RBFOX1: variants seen among roughly 807,000 people sequenced by gnomAD.
RBFOX1 encodes RNA binding protein fox-1 homolog 1.
RBFOX1 carries 8 observed loss-of-function variants against 57.7 expected under a neutral mutation model. The ratio of observed to expected loss-of-function variants is 0.14; its 90% CI spans 0.08 to 0.25. RBFOX1 has a LOEUF of 0.25. Ranked by LOEUF, RBFOX1 falls within the 10% of genes least tolerant of loss-of-function variation. The pLI, the probability that RBFOX1 is intolerant of heterozygous loss-of-function variation, is 1.00. For missense variants in RBFOX1, 611 were observed against 548.5 expected, an observed-to-expected ratio of 1.11 and a Z score of -1.14; for synonymous variants, 326 against 222.4, an observed-to-expected ratio of 1.47 and a Z score of -4.15.
At chr16:5,899,299 CA>C (rs2058249492) in intron 4 of RBFOX1, among the ~76,000 whole-genome samples, 3 of 151,828 alleles carry the variant, frequency 2.0e-5, no homozygotes. Flanking sequence ...TACAAACAGA[CA>C]CAAACATGAT....
At chr16:7,250,000 G>A (rs2094448939) in intron 4 of RBFOX1, among the ~76,000 whole-genome samples, 1 of 152,058 alleles carries the variant, frequency 6.6e-6, no homozygotes. Context: ...CTTTCCAATT[G>A]CCATTTTTAT....
At chr16:5,955,075 G>A (rs1023592739) in intron 4 of RBFOX1, among the ~76,000 whole-genome samples, 1 of 126,082 alleles carries the variant, frequency 7.9e-6, no homozygotes, top group Non-Finnish European at 1.6e-5. Flanking sequence ...GAGGTCAGGA[G>A]TTCAAGACCA....
intron 2 of RBFOX1, among the ~76,000 whole-genome samples, chr16:6,482,619 C>T (rs1231472930): frequency 6.6e-6 from 1 of 152,184 alleles, no homozygotes; most frequent in Non-Finnish European, 1.5e-5. Context: ...CAGGCTGAAA[C>T]CTCAGCGCAT....
At chr16:5,280,732 A>G (rs1346359198) in intron 1 of RBFOX1, among the ~76,000 whole-genome samples, 2 of 151,978 alleles carry the variant, frequency 1.3e-5, no homozygotes, top group Non-Finnish European at 2.9e-5. Flanking sequence ...GGTTGTTCAT[A>G]ATAGCCTCTA....
chr16:6,636,972 A>C (rs1179831101), intron 2 of RBFOX1, among the ~76,000 whole-genome samples: 3 of 127,210 alleles, frequency 2.4e-5, no homozygotes, highest in African/African-American at 9.3e-5. Flanking sequence ...TATTATGTAT[A>C]TTTATGTATA....
At chr16:6,731,606 C>G (rs1420487537) in intron 3 of RBFOX1, among the ~76,000 whole-genome samples, 1 of 152,128 alleles carries the variant, frequency 6.6e-6, no homozygotes, top group East Asian at 1.9e-4. Flanking sequence ...TAGCCCTTAA[C>G]TAATGGCTCT....
chr16:6,243,536 C>T (rs547683675), intron 1 of RBFOX1, among the ~76,000 whole-genome samples: 69 of 152,298 alleles, frequency 4.5e-4, no homozygotes, highest in South Asian at 3.7e-3. Flanking sequence ...TCCTGCCCAA[C>T]AGTCAGTCCT....
At chr16:5,253,460 G>C (rs1881328) in intron 1 of RBFOX1, among the ~76,000 whole-genome samples, 126,206 of 152,030 alleles carry the variant, frequency 0.83, 52,800 homozygotes, top group East Asian at 1. Context: ...CTGGAATTCT[G>C]TGTCATTCTG....
At chr16:7,526,795 C>T (rs913901174) in intron 5 of RBFOX1, among the ~76,000 whole-genome samples, 7 of 152,162 alleles carry the variant, frequency 4.6e-5, no homozygotes, top group African/African-American at 1.7e-4. Context: ...TGTTATCGTC[C>T]CATGTTACAG....
intron 3 of RBFOX1, among the ~76,000 whole-genome samples, chr16:5,855,762 T>G (rs542273379): frequency 6.6e-6 from 1 of 152,182 alleles, no homozygotes; most frequent in African/African-American, 2.4e-5. Flanking sequence ...TCTTTGGAAT[T>G]TCCTTGGAAT....
intron 2 of RBFOX1, among the ~76,000 whole-genome samples, chr16:5,499,431 C>T (rs758660245): frequency 6.6e-6 from 1 of 152,202 alleles, no homozygotes; most frequent in African/African-American, 2.4e-5. Flanking sequence ...CCAGTGTAAA[C>T]ATCAACTCTT....
chr16:5,848,687 C>T (rs531433658), intron 3 of RBFOX1, among the ~76,000 whole-genome samples: 1 of 152,222 alleles, frequency 6.6e-6, no homozygotes, highest in South Asian at 2.1e-4. Context: ...GGTGTCATGC[C>T]TGTAAACCCA....
At chr16:7,636,769 G>A (rs2061826932) in intron 11 of RBFOX1, among the ~76,000 whole-genome samples, 1 of 152,182 alleles carries the variant, frequency 6.6e-6, no homozygotes, top group Admixed American at 6.5e-5. Context: ...AGGTTCCGGT[G>A]AGGGCTTTCT....
chr16:5,268,679 G>C (rs941066322), intron 1 of RBFOX1, among the ~76,000 whole-genome samples: 5 of 152,214 alleles, frequency 3.3e-5, no homozygotes, highest in Admixed American at 2.0e-4. Context: ...CACCATTTCT[G>C]CCTCTCTCCG....
At chr16:6,647,711 C>T (rs991821464) in intron 2 of RBFOX1, among the ~76,000 whole-genome samples, 13 of 152,024 alleles carry the variant, frequency 8.6e-5, no homozygotes, top group Non-Finnish European at 1.8e-4. Context: ...GATTCTGATT[C>T]GATGTATCTG....
Position 5,255,266 on chromosome 16 carries a change from C to T in RBFOX1, c.219+15161C>T, listed in dbSNP as rs532509549. Among the ~76,000 whole-genome samples the T allele has an allele frequency of 7.2e-5, 11 of 151,884 alleles. No homozygotes were observed. The East Asian group carries it at 1.6e-3, about 22-fold the overall frequency. ...AAATCACTCAATTCTTTGGAGGACCCCGGATAAATGCTCAAGTCCACCTGC... is the reference window on the plus strand; with the variant it reads ...AAATCACTCAATTCTTTGGAGGACCTCGGATAAATGCTCAAGTCCACCTGC... On this transcript the variant is annotated intron_variant, in intron 1 of 2. Coordinates refer to the RBFOX1 transcript ENST00000585867.
chr16:5,299,608 G>T (rs951425584), intron 1 of RBFOX1, among the ~76,000 whole-genome samples: 2 of 152,068 alleles, frequency 1.3e-5, no homozygotes, highest in Admixed American at 6.5e-5. Context: ...CATTATTTTT[G>T]ATTACAGCCA....
At chr16:7,084,129 A>G (rs1245425300) in intron 4 of RBFOX1, among the ~76,000 whole-genome samples, 2 of 152,192 alleles carry the variant, frequency 1.3e-5, no homozygotes, top group African/African-American at 2.4e-5. Context: ...CTGGTATAAT[A>G]CAATCAAAAT....
intron 4 of RBFOX1, among the ~76,000 whole-genome samples, chr16:5,908,085 TACAC>T (rs1253626257): frequency 4.0e-4 from 22 of 54,706 alleles, no homozygotes; most frequent in African/African-American, 1.2e-3. Flanking sequence ...TATATATATA[TACAC>T]ATATATACAC....
Sources: allele counts gnomAD v4.1 joint callset (sites outside exome capture counted in the v4.1 genomes callset), GRCh38; gene constraint gnomAD v4.1.1; transcripts MANE v1.5; gene names NCBI Gene and HGNC (gene_info 2026-07-23, HGNC 2026-07-21).